The following SDK1 variants were observed in gnomAD, a reference collection of about 807,000 sequenced individuals.
The protein encoded by SDK1 is sidekick cell adhesion molecule 1.
A neutral mutation model predicts 245.5 loss-of-function variants in SDK1; 157 were observed. The ratio of observed to expected loss-of-function variants is 0.64; its 90% confidence interval spans 0.56 to 0.73. The LOEUF is 0.73. Among genes scored for constraint, SDK1 ranks in the 30% least tolerant of loss-of-function variants. SDK1 has a pLI of 0.00. For synonymous variants in SDK1, 1,647 were observed against 1,278.5 expected (o/e 1.29, Z -6.15); for missense variants, 3,583 against 3,002.3 (o/e 1.19, Z -4.52).
chr7:3,982,088 G>A (rs1472537016), intron 13 of SDK1, among the ~76,000 whole-genome samples: 4 of 152,204 alleles, frequency 2.6e-5, no homozygotes, highest in Non-Finnish European at 5.9e-5. Context: ...GTGACTTTAA[G>A]TTGAAGCCAA....
intron 4 of SDK1, among the ~76,000 whole-genome samples, chr7:3,645,882 G>T (rs540038518): frequency 6.6e-6 from 1 of 151,762 alleles, no homozygotes; most frequent in South Asian, 2.1e-4. Flanking sequence ...TTTTTGAGAT[G>T]GAGTCTTGTT....
chr7:3,723,660 G>A (rs1742248317), intron 4 of SDK1, among the ~76,000 whole-genome samples: 2 of 146,758 alleles, frequency 1.4e-5, no homozygotes, highest in African/African-American at 5.0e-5. Context: ...AGTAAAAGTT[G>A]TGTGTGTGTG....
intron 1 of SDK1, among the ~76,000 whole-genome samples, chr7:3,453,734 T>C (rs1051196929): frequency 6.9e-6 from 1 of 145,186 alleles, no homozygotes; most frequent in African/African-American, 2.9e-5. Flanking sequence ...TGCACCACCA[T>C]GTCTGGCTAA....
intron 4 of SDK1, among the ~76,000 whole-genome samples, chr7:3,804,441 G>A (rs1055576103): frequency 9.9e-5 from 15 of 152,176 alleles, no homozygotes; most frequent in African/African-American, 3.4e-4. Context: ...TGCCCCATTG[G>A]CCTATTTGTC....
At chr7:3,552,418 C>T (rs374957843) in intron 1 of SDK1, among the ~76,000 whole-genome samples, 3 of 152,302 alleles carry the variant, frequency 2.0e-5, no homozygotes, top group African/African-American at 7.2e-5. Flanking sequence ...AATGAATGCT[C>T]ACTCAGCCAC....
intron 4 of SDK1, among the ~76,000 whole-genome samples, chr7:3,735,828 G>A (rs1289646254): frequency 1.3e-5 from 2 of 152,122 alleles, no homozygotes; most frequent in African/African-American, 4.8e-5. Flanking sequence ...CCATGTCAAC[G>A]TTTGTTATTT....
At chr7:3,564,421 T>C (rs2128627235) in intron 1 of SDK1, among the ~76,000 whole-genome samples, 1 of 151,988 alleles carries the variant, frequency 6.6e-6, no homozygotes, top group South Asian at 2.1e-4. Flanking sequence ...CCCAGGAGGC[T>C]GAGGTTGCAG....
intron 17 of SDK1, among the ~76,000 whole-genome samples, chr7:4,018,443 A>G (rs543353742): frequency 7.7e-4 from 118 of 152,332 alleles, no homozygotes; most frequent in African/African-American, 2.6e-3. Context: ...CGACTAGAAG[A>G]AATATTTAAA....
intron 14 of SDK1, among the ~76,000 whole-genome samples, chr7:4,004,815 C>A (rs775668040): frequency 1.8e-4 from 27 of 152,094 alleles, no homozygotes; most frequent in Non-Finnish European, 3.7e-4. Context: ...ATTTAATTTT[C>A]CCTAAGTGTC....
intron 1 of SDK1, among the ~76,000 whole-genome samples, chr7:3,433,907 G>A (rs996910437): frequency 6.6e-6 from 1 of 152,132 alleles, no homozygotes; most frequent in Non-Finnish European, 1.5e-5. Context: ...TCATGATATT[G>A]TAAATATAAT....
At chr7:3,998,582 C>T (rs1014289027) in intron 14 of SDK1, among the ~76,000 whole-genome samples, 2 of 152,168 alleles carry the variant, frequency 1.3e-5, no homozygotes, top group African/African-American at 4.8e-5. Flanking sequence ...GCCCTGCCCC[C>T]TGGACAGGTT....
intron 1 of SDK1, among the ~76,000 whole-genome samples, chr7:3,525,083 C>T (rs1319608457): frequency 2.0e-5 from 3 of 151,988 alleles, no homozygotes; most frequent in African/African-American, 7.3e-5. Context: ...GTATTAGGTA[C>T]TATAAGTAAC....
At chr7:3,305,395 C>T (rs1779390906) in intron 1 of SDK1, among the ~76,000 whole-genome samples, 1 of 152,196 alleles carries the variant, frequency 6.6e-6, no homozygotes, top group African/African-American at 2.4e-5. Flanking sequence ...TCTCTGTCAT[C>T]CTTAGCCTGA....
chr7:3,707,180 G>A (rs1440626066), intron 4 of SDK1, among the ~76,000 whole-genome samples: 3 of 152,124 alleles, frequency 2.0e-5, no homozygotes, highest in Admixed American at 1.3e-4. Flanking sequence ...ATTTTTTGTG[G>A]AGGCACTTTA....
chr7:3,981,027 G>A (rs749546000), intron 13 of SDK1, among the ~76,000 whole-genome samples: 7 of 152,088 alleles, frequency 4.6e-5, no homozygotes, highest in Non-Finnish European at 1.0e-4. Flanking sequence ...GGTATTGCAC[G>A]TTTGTTTTTG....
In SDK1 at chr7:3,723,998, C is replaced by CTGT. The variant is rs552013811; in HGVS notation, c.713+81896_713+81898dup. On this transcript the variant is annotated intron_variant, in intron 4 of 44. Coordinates refer to ENST00000404826, the MANE Select transcript of SDK1 (RefSeq NM_152744.4). ...GAGAGAAAGAGAGAGAGAGTCTCAC[C>CTGT]TGTTGCCTAGGCTGGAGTACAGTGG... Among the ~76,000 whole-genome samples, 581 of 146,700 alleles carry CTGT rather than the reference C, an allele frequency of 4.0e-3. 1 individual carries two copies. Among genetic ancestry groups the CTGT allele is most frequent in the Non-Finnish European group, 6.8e-3 (455 of 66,774 alleles).
At chr7:3,971,739 TC>T (rs1247116895) in intron 12 of SDK1, among the ~76,000 whole-genome samples, 171 bp downstream of exon 12, 3 of 152,210 alleles carry the variant, frequency 2.0e-5, no homozygotes, top group African/African-American at 7.2e-5. Context: ...AATCCCATTT[TC>T]CACTCCAGCC....
intron 28 of SDK1, among the ~76,000 whole-genome samples, chr7:4,141,573 C>G (rs931016197): frequency 6.6e-6 from 1 of 152,208 alleles, no homozygotes; most frequent in Non-Finnish European, 1.5e-5. Context: ...CTTAATCACA[C>G]ACAACTCTCC....
At chr7:3,711,476 G>A (rs1255156684) in intron 4 of SDK1, among the ~76,000 whole-genome samples, 2 of 152,170 alleles carry the variant, frequency 1.3e-5, no homozygotes, top group Non-Finnish European at 2.9e-5. Flanking sequence ...AATGACTCAG[G>A]TCATGGAGGT....
Sources: gnomAD v4.1 joint callset for allele counts (sites outside exome capture counted in the v4.1 genomes callset) on GRCh38, gnomAD v4.1.1 for gene constraint, MANE v1.5 for transcripts, NCBI Gene and HGNC (gene_info 2026-07-23, HGNC 2026-07-21) for gene names.